The following CDH12 variants were observed in gnomAD, a reference collection of about 807,000 sequenced individuals.
CDH12 encodes cadherin-12.
Under a neutral mutation model 74.1 loss-of-function variants are expected in CDH12, and 41 were observed. The observed-to-expected ratio is 0.55, with a 90% confidence interval of 0.43 to 0.72. The LOEUF is 0.72. Among genes scored for constraint, CDH12 ranks in the 30% least tolerant of loss-of-function variants. The probability of loss-of-function intolerance (pLI) is 0.00; values close to 1 mark genes in which losing one functional copy is unlikely to be tolerated. For missense variants in CDH12, 945 were observed against 977.2 expected, an observed-to-expected ratio of 0.97 and a Z score of 0.44; for synonymous variants, 399 against 355.0, an observed-to-expected ratio of 1.12 and a Z score of -1.39.
rs780825176 is a variant in CDH12, at chr5:21,975,076, G to A, written c.526+15C>T. 1 of 1,567,318 alleles carries A rather than the reference G, an allele frequency of 6.4e-7. No homozygotes were observed. The highest frequency in any genetic ancestry group is 2.2e-5 in the East Asian group (1 of 44,658). On this transcript the variant is annotated intron_variant, in intron 6 of 14. Coordinates refer to ENST00000382254, the MANE Select transcript of CDH12 (RefSeq NM_004061.5). ...GTCTCATTGTATCTCACAGAATTTTGATTTGCCTACTCACCCACAGGAGAC... is the reference window on the plus strand; with the variant it reads ...GTCTCATTGTATCTCACAGAATTTTAATTTGCCTACTCACCCACAGGAGAC...
chr5:22,567,540 A>C (rs1739345296), intron 1 of CDH12, among the ~76,000 whole-genome samples: 1 of 152,152 alleles, frequency 6.6e-6, no homozygotes, highest in African/African-American at 2.4e-5. Context: ...TATATCTATT[A>C]TTTCTCAAGT....
intron 1 of CDH12, among the ~76,000 whole-genome samples, chr5:22,588,039 CAT>C (rs925279639): frequency 1.5e-4 from 22 of 149,142 alleles, no homozygotes; most frequent in Admixed American, 2.0e-4. Context: ...TATATACACA[CAT>C]ATATATGTGT....
At chr5:22,196,270 G>A (rs889835028) in intron 4 of CDH12, among the ~76,000 whole-genome samples, 15 of 147,824 alleles carry the variant, frequency 1.0e-4, no homozygotes, top group African/African-American at 3.7e-4. Flanking sequence ...TCAGTCTCCT[G>A]CGTGGCTGGG....
intron 6 of CDH12, among the ~76,000 whole-genome samples, chr5:21,956,941 G>C (rs1044061399): frequency 5.3e-5 from 8 of 151,834 alleles, no homozygotes; most frequent in Non-Finnish European, 7.4e-5. Flanking sequence ...TTTAGGTTTG[G>C]GAGTACCTGT....
chr5:22,067,395 G>C (rs534522266), intron 5 of CDH12, among the ~76,000 whole-genome samples: 43 of 152,286 alleles, frequency 2.8e-4, no homozygotes, highest in African/African-American at 9.9e-4. Context: ...CCTCAGAAAA[G>C]AGACACAACA....
intron 5 of CDH12, among the ~76,000 whole-genome samples, chr5:22,023,225 A>T (rs1435143818): frequency 6.6e-6 from 1 of 151,992 alleles, no homozygotes; most frequent in Non-Finnish European, 1.5e-5. Context: ...CCCTTTATAT[A>T]CACTTTTCTT....
intron 1 of CDH12, among the ~76,000 whole-genome samples, chr5:22,791,903 A>G (rs2126385449): frequency 6.6e-6 from 1 of 152,260 alleles, no homozygotes; most frequent in East Asian, 1.9e-4. Flanking sequence ...ATTACAATTC[A>G]AGATGAGATT....
chr5:22,213,680 A>C (rs1289793563), intron 3 of CDH12: 1 of 152,138 alleles, frequency 6.6e-6, no homozygotes, highest in East Asian at 1.9e-4. Flanking sequence ...CTGAATGCCA[A>C]AGCCCCAAAT....
intron 1 of CDH12, among the ~76,000 whole-genome samples, chr5:22,603,962 G>C (rs935912357): frequency 6.6e-6 from 1 of 152,194 alleles, no homozygotes; most frequent in Non-Finnish European, 1.5e-5. Flanking sequence ...GCCAGAGAGA[G>C]AGAAGCATAT....
At chr5:22,716,304 G>A (rs192356362) in intron 1 of CDH12, among the ~76,000 whole-genome samples, 3 of 152,210 alleles carry the variant, frequency 2.0e-5, no homozygotes, top group South Asian at 4.1e-4. Flanking sequence ...ATCGTATACT[G>A]CATCTGGATA....
intron 5 of CDH12, among the ~76,000 whole-genome samples, chr5:22,065,187 A>G (rs1372276477): frequency 1.3e-5 from 2 of 152,128 alleles, no homozygotes; most frequent in Non-Finnish European, 2.9e-5. Context: ...TAGTTGTGTA[A>G]CTAGACCCAA....
At chr5:21,835,597 G>C (rs545851588) in intron 8 of CDH12, among the ~76,000 whole-genome samples, 1 of 151,762 alleles carries the variant, frequency 6.6e-6, no homozygotes, top group Admixed American at 6.6e-5. Context: ...CTTAAGCCTA[G>C]TAGCTTACCA....
intron 2 of CDH12, among the ~76,000 whole-genome samples, chr5:22,464,838 C>G (rs1209222127): frequency 6.6e-6 from 1 of 152,154 alleles, no homozygotes; most frequent in Non-Finnish European, 1.5e-5. Flanking sequence ...CCCACCTCTA[C>G]TAAAAATATA....
intron 5 of CDH12, among the ~76,000 whole-genome samples, chr5:22,001,854 TC>T: frequency 6.6e-6 from 1 of 152,156 alleles, no homozygotes; most frequent in Admixed American, 6.6e-5. Flanking sequence ...AATTAAAAGG[TC>T]CTTTTTTGAT....
chr5:22,333,191 T>C (rs1167286344), intron 3 of CDH12, among the ~76,000 whole-genome samples: 1 of 152,118 alleles, frequency 6.6e-6, no homozygotes, highest in Non-Finnish European at 1.5e-5. Flanking sequence ...CTGGAAGCCA[T>C]CATCCTCAGC....
At chr5:22,144,296 T>C (rs1459924313) in intron 4 of CDH12, 1 of 152,184 alleles carries the variant, frequency 6.6e-6, no homozygotes, top group African/African-American at 2.4e-5. Context: ...TTGGTTACAG[T>C]TTAAAATACT....
At chr5:22,372,407 A>G (rs1268981639) in intron 3 of CDH12, among the ~76,000 whole-genome samples, 2 of 152,054 alleles carry the variant, frequency 1.3e-5, no homozygotes, top group East Asian at 3.9e-4. Context: ...ACATTCCTGC[A>G]CAGACTTCCA....
At chr5:22,161,249 C>T (rs1248372869) in intron 4 of CDH12, among the ~76,000 whole-genome samples, 8 of 152,068 alleles carry the variant, frequency 5.3e-5, no homozygotes, top group Non-Finnish European at 4.4e-5. Context: ...TTTTGTTTCA[C>T]CTCTCCTCTT....
At chr5:22,316,003 C>T (rs1391971296) in intron 3 of CDH12, among the ~76,000 whole-genome samples, 1 of 150,840 alleles carries the variant, frequency 6.6e-6, no homozygotes, top group African/African-American at 2.5e-5. Flanking sequence ...GTTTCTTAGC[C>T]TCTCTTCTAA....
Sources: gnomAD v4.1 joint callset for allele counts (sites outside exome capture counted in the v4.1 genomes callset) on GRCh38, gnomAD v4.1.1 for gene constraint, MANE v1.5 for transcripts, NCBI Gene and HGNC (gene_info 2026-07-23, HGNC 2026-07-21) for gene names.